The following CTNNA3 variants were observed in gnomAD, a reference collection of about 807,000 sequenced individuals.
CTNNA3 encodes catenin alpha-3.
In CTNNA3, 76 loss-of-function variants were observed where a neutral mutation model predicts 95.7. The ratio of observed to expected loss-of-function variants is 0.79; its 90% CI spans 0.66 to 0.96. The LOEUF is 0.96. Ranked by LOEUF, CTNNA3 falls within the 40% of genes least tolerant of loss-of-function variation. CTNNA3 has a pLI of 0.00. For synonymous variants in CTNNA3, 431 were observed against 374.4 expected, an observed-to-expected ratio of 1.15 and a Z score of -1.74; for missense variants, 1,191 against 1,089.8, an observed-to-expected ratio of 1.09 and a Z score of -1.31.
intron 12 of CTNNA3, among the ~76,000 whole-genome samples, chr10:66,333,636 G>T (rs1048396339): frequency 5.9e-5 from 9 of 151,842 alleles, no homozygotes; most frequent in South Asian, 2.1e-4. Context: ...GCTGAGGAGT[G>T]CTTTACTTCC....
intron 10 of CTNNA3, among the ~76,000 whole-genome samples, chr10:66,597,630 A>G (rs1047407646): frequency 6.7e-6 from 1 of 149,232 alleles, no homozygotes; most frequent in African/African-American, 2.5e-5. Flanking sequence ...GAAAGAGAAA[A>G]ACAACTTGTC....
chr10:67,597,834 G>A (rs1011655729), intron 3 of CTNNA3, among the ~76,000 whole-genome samples: 1 of 152,194 alleles, frequency 6.6e-6, no homozygotes, highest in East Asian at 1.9e-4. Flanking sequence ...GAGGCTGCAG[G>A]TGAATGCACA....
intron 11 of CTNNA3, among the ~76,000 whole-genome samples, chr10:66,387,314 C>T (rs954930885): frequency 2.0e-5 from 3 of 152,090 alleles, no homozygotes; most frequent in African/African-American, 7.2e-5. Flanking sequence ...CAAAAGAAGA[C>T]ATCTATGCAG....
chr10:66,537,192 C>T (rs1841691348), intron 10 of CTNNA3, among the ~76,000 whole-genome samples: 1 of 152,044 alleles, frequency 6.6e-6, no homozygotes, highest in South Asian at 2.1e-4. Flanking sequence ...AAGTTTGCAG[C>T]ATAAAAGAAA....
chr10:67,508,342 G>A (rs1196495299), intron 5 of CTNNA3, among the ~76,000 whole-genome samples: 3 of 152,046 alleles, frequency 2.0e-5, no homozygotes, highest in South Asian at 2.1e-4. Context: ...AATAAAGGCC[G>A]TATTTCACAA....
intron 5 of CTNNA3, among the ~76,000 whole-genome samples, chr10:67,485,011 T>C (rs948658993): frequency 6.6e-6 from 1 of 152,104 alleles, no homozygotes; most frequent in African/African-American, 2.4e-5. Context: ...AAAAGACACA[T>C]GCACTCATAT....
chr10:67,179,919 T>C (rs142796290), intron 7 of CTNNA3, among the ~76,000 whole-genome samples: 33 of 152,316 alleles, frequency 2.2e-4, no homozygotes, highest in Non-Finnish European at 3.1e-4. Context: ...GTAATATCAC[T>C]GTTATTGGAT....
At chr10:66,627,314 C>T (rs1490491905) in intron 9 of CTNNA3, among the ~76,000 whole-genome samples, 5 of 152,148 alleles carry the variant, frequency 3.3e-5, no homozygotes, top group African/African-American at 9.6e-5. Context: ...AGTCTTGGTA[C>T]GACTGTCAAT....
intron 5 of CTNNA3, among the ~76,000 whole-genome samples, chr10:67,473,495 T>G (rs890155844): frequency 3.3e-5 from 5 of 152,216 alleles, no homozygotes. Flanking sequence ...TCATGTCAGA[T>G]ATCCATGTTC....
In CTNNA3 at chr10:65,917,288, GT is replaced by G. The variant is rs1029299348; in HGVS notation, c.*3041del. On this transcript the variant is annotated 3_prime_UTR_variant, in exon 18 of 18. Coordinates refer to ENST00000433211, the MANE Select transcript of CTNNA3 (RefSeq NM_013266.4). Reference sequence around the variant, plus strand: ...ATTAGCTTAGAAATTTAGTGTTTGAGTTTTTTCTTGACTCATTCAAGAACTA... The same window carrying G: ...ATTAGCTTAGAAATTTAGTGTTTGAGTTTTTCTTGACTCATTCAAGAACTA... The G allele has an allele frequency of 1.1e-4, 16 of 152,134 alleles. No homozygotes were observed. Among genetic ancestry groups the G allele is most frequent in the African/African-American group, 3.4e-4 (14 of 41,522 alleles). 9.4% of individuals were successfully genotyped at this position (152,134 alleles called of 1,614,324 possible). A position where few individuals can be genotyped will look rare whatever the true frequency, so the allele number is the denominator to read the frequency against.
chr10:65,998,857 A>G (rs74926455), intron 15 of CTNNA3, among the ~76,000 whole-genome samples: 2,007 of 152,286 alleles, frequency 0.013, 43 homozygotes, highest in African/African-American at 0.046. Flanking sequence ...GCAAAGCTAA[A>G]TGATCAAAGA....
chr10:65,935,619 G>A (rs1193846311), intron 17 of CTNNA3, among the ~76,000 whole-genome samples: 1 of 152,216 alleles, frequency 6.6e-6, no homozygotes, highest in South Asian at 2.1e-4. Context: ...GAATGCTAAT[G>A]TTTTATAGCT....
chr10:66,316,698 G>T (rs2132275329), intron 12 of CTNNA3, among the ~76,000 whole-genome samples: 1 of 152,172 alleles, frequency 6.6e-6, no homozygotes, highest in Admixed American at 6.5e-5. Flanking sequence ...AGTGGCCCAG[G>T]TGGGAATTGA....
intron 7 of CTNNA3, among the ~76,000 whole-genome samples, chr10:66,962,274 C>T (rs1344326084): frequency 6.6e-6 from 1 of 152,110 alleles, no homozygotes; most frequent in African/African-American, 2.4e-5. Flanking sequence ...CACCCACTAG[C>T]CTCTCTTTGG....
chr10:67,416,607 CAAAAAAAAAA>C (rs368513767), intron 5 of CTNNA3, among the ~76,000 whole-genome samples: 1 of 38,332 alleles, frequency 2.6e-5, no homozygotes, highest in Non-Finnish European at 6.4e-5. Flanking sequence ...GACTCTGTCT[CAAAAAAAAAA>C]AAAAAAAAAA....
intron 10 of CTNNA3, among the ~76,000 whole-genome samples, chr10:66,530,688 G>T (rs1841435285): frequency 6.6e-6 from 1 of 152,080 alleles, no homozygotes; most frequent in African/African-American, 2.4e-5. Context: ...TACAATTAAT[G>T]AAACTGCATT....
intron 2 of CTNNA3, among the ~76,000 whole-genome samples, chr10:67,612,604 T>C (rs1402763868): frequency 1.3e-5 from 2 of 152,122 alleles, no homozygotes; most frequent in Non-Finnish European, 2.9e-5. Context: ...TAAAAAGTTA[T>C]AAAAGTCAAA....
At chr10:67,703,004 G>A (rs375075704) in intron 1 of CTNNA3, among the ~76,000 whole-genome samples, 6 of 152,174 alleles carry the variant, frequency 3.9e-5, no homozygotes, top group African/African-American at 4.8e-5. Context: ...ACACCTCTAC[G>A]CAAATAAACT....
chr10:66,077,981 A>G (rs927447938), intron 14 of CTNNA3, among the ~76,000 whole-genome samples: 4 of 151,796 alleles, frequency 2.6e-5, no homozygotes, highest in Admixed American at 6.6e-5. Context: ...TCTATTCCCA[A>G]CAGTGAGGAC....
Sources: allele counts gnomAD v4.1 joint callset (sites outside exome capture counted in the v4.1 genomes callset), GRCh38; gene constraint gnomAD v4.1.1; transcripts MANE v1.5; gene names NCBI Gene and HGNC (gene_info 2026-07-23, HGNC 2026-07-21).